Variants in ZKSCAN2 observed in about 807,000 individuals in gnomAD.
The protein encoded by ZKSCAN2 is zinc finger with KRAB and SCAN domains 2.
A neutral mutation model predicts 90.5 loss-of-function variants in ZKSCAN2; 38 were observed. The ratio of observed to expected loss-of-function variants is 0.42; its 90% CI spans 0.32 to 0.55. ZKSCAN2 has a LOEUF of 0.55. Ranked by LOEUF, ZKSCAN2 falls within the 20% of genes least tolerant of loss-of-function variation. ZKSCAN2 has a pLI of 0.11. For missense variants in ZKSCAN2, 1,167 were observed against 1,202.6 expected (o/e 0.97, Z 0.44); for synonymous variants, 429 against 421.6 (o/e 1.02, Z -0.22).
At position 25,247,284 on chromosome 16, in the gene ZKSCAN2, G is replaced by C; in HGVS notation, c.912C>G (p.Asn304Lys). Reference sequence around the variant, plus strand: ...CATGAACTGACTTTTCCTTGACGTAGTTGCTTCGTAGGATACTTCTCTTGT... The same window carrying C: ...CATGAACTGACTTTTCCTTGACGTACTTGCTTCGTAGGATACTTCTCTTGT... ...SSNKRSILRS[N>K]YVKEKSVHAI... Residue 304 changes from asparagine to lysine, a missense_variant, in exon 5 of 7, where the codon AAC becomes AAG. Coordinates refer to ENST00000328086, the MANE Select transcript of ZKSCAN2 (RefSeq NM_001012981.5). 1 of 1,614,176 alleles carries C rather than the reference G, an allele frequency of 6.2e-7. No individual in the cohort carries two copies. Among genetic ancestry groups the C allele is most frequent in the East Asian group, 2.2e-5 (1 of 44,886 alleles).
intron 5 of ZKSCAN2, among the ~76,000 whole-genome samples, chr16:25,246,028 A>G (rs908586812): frequency 6.6e-6 from 1 of 152,212 alleles, no homozygotes; most frequent in African/African-American, 2.4e-5. Flanking sequence ...TGCATGTCTC[A>G]GTCACAAAAT....
chr16:25,239,514 C>G lies in ZKSCAN2; in HGVS notation c.*302G>C. The G allele has an allele frequency of 4.0e-6, 1 of 249,302 alleles. No individual in the cohort carries two copies. The highest frequency in any genetic ancestry group is 2.2e-5 in the African/African-American group (1 of 45,234). 15.4% of individuals were successfully genotyped at this position (249,302 alleles called of 1,614,324 possible). ...GACAACTCTCACCCATATGGAAGAT[C>G]TTGAATGTTGCCGAACTTAGCAATC... is the stretch of plus-strand genomic sequence containing the variant. On this transcript the variant is annotated 3_prime_UTR_variant, in exon 7 of 7. Coordinates refer to ENST00000328086, the MANE Select transcript of ZKSCAN2 (RefSeq NM_001012981.5).
rs1264336182 is a variant in ZKSCAN2 at position 25,240,686 on chromosome 16, C to T, written c.2034G>A (p.Lys678=). 1.2e-6 allele frequency: 2 copies of T among 1,614,128 alleles called. No homozygotes were observed. Among genetic ancestry groups the T allele is most frequent in the South Asian group, 1.1e-5 (1 of 91,074 alleles). The change falls in exon 7 of 7, where the codon AAG becomes AAA. Residue 678 remains lysine (K), a synonymous_variant. Coordinates refer to ENST00000328086, the MANE Select transcript of ZKSCAN2 (RefSeq NM_001012981.5). ...IKEDPTQIVY[K]DMEQHRALIE... Reference sequence around the variant, plus strand: ...TTAATGCCCTATGCTGTTCCATGTCCTTATATACTATCTGTGTTGGATCCT... The same window carrying T: ...TTAATGCCCTATGCTGTTCCATGTCTTTATATACTATCTGTGTTGGATCCT...
chr16:25,242,270 G>A (rs1323098017), intron 6 of ZKSCAN2, among the ~76,000 whole-genome samples: 1 of 152,186 alleles, frequency 6.6e-6, no homozygotes, highest in Non-Finnish European at 1.5e-5. Flanking sequence ...ATAATTTGAT[G>A]ATAGGTTTGG....
At chr16:25,241,774 C>G (rs1163825042) in intron 6 of ZKSCAN2, among the ~76,000 whole-genome samples, 1 of 152,128 alleles carries the variant, frequency 6.6e-6, no homozygotes, top group African/African-American at 2.4e-5. Context: ...CAGTAGAAAC[C>G]ACAGATAACT....
In ZKSCAN2 at chr16:25,238,688, G is replaced by A. The variant is rs1962803484; in HGVS notation, c.*1128C>T. ...TAGAAGCCTCAGGAAAAGAGACTGG[G>A]AGATTTAACAGCCAGACCTGAGAGC... On this transcript the variant is annotated 3_prime_UTR_variant, in exon 7 of 7. Coordinates refer to ENST00000328086, the MANE Select transcript of ZKSCAN2 (RefSeq NM_001012981.5). 6.6e-6 allele frequency: 1 copy of A among 152,210 alleles called. No homozygotes were observed. The highest frequency in any genetic ancestry group is 6.5e-5 in the Admixed American group (1 of 15,280). The allele number at this position is 152,210 out of a possible 1,614,324, so 9.4% of individuals were successfully genotyped here. A position where few individuals can be genotyped will look rare whatever the true frequency, so the allele number is the denominator to read the frequency against.
Position 25,257,613 on chromosome 16 carries a change from C to T in ZKSCAN2, c.-486G>A, listed in dbSNP as rs1309176423. 1.8e-5 allele frequency: 12 copies of T among 677,602 alleles called. No individual in the cohort carries two copies. Among genetic ancestry groups the T allele is most frequent in the South Asian group, 6.6e-5 (1 of 15,182 alleles). 42.0% of individuals were successfully genotyped at this position (677,602 alleles called of 1,614,324 possible). On this transcript the variant is annotated 5_prime_UTR_variant, in exon 1 of 7. Transcript: ENST00000328086. ...TCGGGTCACCGCAGCACGTCCAGGCCGCCGCGGGTGCCGCTGGGGCCGCCG... is the reference window on the plus strand; with the variant it reads ...TCGGGTCACCGCAGCACGTCCAGGCTGCCGCGGGTGCCGCTGGGGCCGCCG...
rs774891458 is a variant in ZKSCAN2 at position 25,240,165 on chromosome 16, G to A, written c.2555C>T (p.Thr852Met). 1.9e-5 allele frequency: 31 copies of A among 1,613,956 alleles called. No individual in the cohort carries two copies. Among genetic ancestry groups the A allele is most frequent in the East Asian group, 6.7e-5 (3 of 44,878 alleles). The change falls in exon 7 of 7, where the codon ACG becomes ATG. Residue 852 changes from threonine (T) to methionine (M), a missense_variant. Physicochemically the swap from Thr to Met is moderately conservative, Grantham distance 81 (BLOSUM62 -1). Coordinates refer to ENST00000328086, the MANE Select transcript of ZKSCAN2 (RefSeq NM_001012981.5). ...QSSSLIIHQR[T>M]HTGEKPYQCG... ...CTGATAGGGCTTCTCACCGGTGTGC[G>A]TTCTCTGATGTATAATAAGACTAGA...
At position 25,246,736 on chromosome 16, in the gene ZKSCAN2, C is replaced by T. The variant is rs1445074635; in HGVS notation, c.1460G>A (p.Gly487Asp). 4.3e-6 allele frequency: 7 copies of T among 1,614,086 alleles called. No individual in the cohort carries two copies. The African/African-American group carries it at 9.3e-5, about 22-fold the overall frequency. Residue 487 changes from glycine (G) to aspartate (D), a missense_variant, in exon 5 of 7, where the codon GGT (glycine) becomes GAT (aspartate). Transcript: ENST00000328086. ...IEFIRKSEIH[G>D]APVLFQNLSG... ...GAGATTCTGAAACAAGACAGGGGCA[C>T]CATGGATTTCAGACTTGCGGATAAA...
At position 25,247,479 on chromosome 16, in the gene ZKSCAN2, C is replaced by T. The variant is rs1034043609; in HGVS notation, c.806-89G>A. 5 of 1,132,762 alleles carry T rather than the reference C, an allele frequency of 4.4e-6. No homozygotes were observed. In the African/African-American group the frequency reaches 7.8e-5, roughly 18 times the overall value. 70.2% of individuals were successfully genotyped at this position (1,132,762 alleles called of 1,614,324 possible). On this transcript the variant is annotated intron_variant, in intron 4 of 6. Coordinates refer to ENST00000328086, the MANE Select transcript of ZKSCAN2 (RefSeq NM_001012981.5). ...TGCTGTCACATGCTCTCCTGGGCCA[C>T]TTGTTCACACCCAAACCTTCCTCAG...
At position 25,243,840 on chromosome 16, in the gene ZKSCAN2, T is replaced by C. The variant is rs764686743; in HGVS notation, c.1926A>G (p.Glu642=). Residue 642 remains glutamate, a synonymous_variant, in exon 6 of 7, where the codon GAA becomes GAG. Coordinates refer to ENST00000328086, the MANE Select transcript of ZKSCAN2 (RefSeq NM_001012981.5). ...DSCSERMSEE[E]IVQEPEFQGP... ...CCTGGAACTCTGGCTCTTGCACAAT[T>C]TCCTCCTCGCTCATTCTCTCACTGC... 1.2e-6 allele frequency: 2 copies of C among 1,614,092 alleles called. No homozygotes were observed. The highest frequency in any genetic ancestry group is 1.7e-6 in the Non-Finnish European group (2 of 1,180,024).
chr16:25,252,290 T>A (rs1011157690), intron 3 of ZKSCAN2, among the ~76,000 whole-genome samples: 4 of 152,180 alleles, frequency 2.6e-5, no homozygotes, highest in Admixed American at 1.3e-4. Context: ...AATATACTTA[T>A]ACACTTGTGA....
In ZKSCAN2 at chr16:25,246,451, G is replaced by A. The variant is rs1962934640; in HGVS notation, c.1489+256C>T. The A allele has an allele frequency of 2.3e-5, 12 of 529,708 alleles. No homozygotes were observed. In the South Asian group the frequency reaches 2.7e-4, roughly 12 times the overall value. 32.8% of individuals were successfully genotyped at this position (529,708 alleles called of 1,614,324 possible). ...AACTCCATTTGTCTTCCTTCCACAA[G>A]GACCCAAACACTCAAAATCCATGCT... On this transcript the variant is annotated intron_variant, in intron 5 of 6. Transcript: ENST00000328086.
chr16:25,252,433 T>G (rs1963035082), intron 3 of ZKSCAN2, among the ~76,000 whole-genome samples: 1 of 151,846 alleles, frequency 6.6e-6, no homozygotes, highest in African/African-American at 2.4e-5. Flanking sequence ...AAAGTAAGTA[T>G]AAGTAAAGGA....
rs1385395959 is a variant in ZKSCAN2, at chr16:25,256,884, C to G, written c.244G>C (p.Glu82Gln). 6.2e-7 allele frequency: 1 copy of G among 1,614,068 alleles called. No homozygotes were observed. Among genetic ancestry groups the G allele is most frequent in the Non-Finnish European group, 8.5e-7 (1 of 1,180,036 alleles). Residue 82 changes from glutamate (E) to glutamine (Q), a missense_variant, in exon 1 of 7, where the codon GAG becomes CAG. Physicochemically the swap from Glu to Gln is conservative, Grantham distance 29. Coordinates refer to ENST00000328086, the MANE Select transcript of ZKSCAN2 (RefSeq NM_001012981.5). ...RWLKPEMRSK[E>Q]QILELLVIEQ... ...ATCACCAGCAGCTCAAGTATTTGCT[C>G]CTTGGAACGCATTTCTGGCTTCAGC...
chr16:25,245,514 C>T lies in ZKSCAN2; in HGVS notation c.1489+1193G>A, dbSNP rs150991751. ...GGTGCGGTGGCTCATGCCTGTAATC[C>T]CAGCACTTTGGGAGGCCGAGGTGGG... is the stretch of plus-strand genomic sequence containing the variant. On this transcript the variant is annotated intron_variant, in intron 5 of 6. Coordinates refer to ENST00000328086, the MANE Select transcript of ZKSCAN2 (RefSeq NM_001012981.5). Among the ~76,000 whole-genome samples, 231 of 152,120 alleles carry T rather than the reference C, an allele frequency of 1.5e-3. 1 individual carries two copies. The highest frequency in any genetic ancestry group is 5.5e-3 in the African/African-American group (228 of 41,490).
In ZKSCAN2 at chr16:25,257,625, C is replaced by A. The variant is rs921958784; in HGVS notation, c.-498G>T. ...AGCACGTCCAGGCCGCCGCGGGTGCCGCTGGGGCCGCCGGATTCCGAGAGC... is the reference window on the plus strand; with the variant it reads ...AGCACGTCCAGGCCGCCGCGGGTGCAGCTGGGGCCGCCGGATTCCGAGAGC... On this transcript the variant is annotated 5_prime_UTR_variant, in exon 1 of 7. Transcript: ENST00000328086. The A allele has an allele frequency of 1.9e-6, 1 of 513,076 alleles. No individual in the cohort carries two copies. The highest frequency in any genetic ancestry group is 2.5e-6 in the Non-Finnish European group (1 of 398,558). The allele number at this position is 513,076 out of a possible 1,614,324, so 31.8% of individuals were successfully genotyped here.
At position 25,240,635 on chromosome 16, in the gene ZKSCAN2, G is replaced by T. The variant is rs1367327613; in HGVS notation, c.2085C>A (p.Ser695=). The change falls in exon 7 of 7, where the codon TCC becomes TCA. Residue 695 remains serine (S), a synonymous_variant. Transcript: ENST00000328086. ...ALIEKSKRVV[S]QSTDPSKYRK... Reference sequence around the variant, plus strand: ...GATATTTGCTGGGGTCGGTACTCTGGGAAACAACTCTTTTAGACTTTTCTA... The same window carrying T: ...GATATTTGCTGGGGTCGGTACTCTGTGAAACAACTCTTTTAGACTTTTCTA... 1 of 1,613,974 alleles carries T rather than the reference G, an allele frequency of 6.2e-7. No homozygotes were observed. Among genetic ancestry groups the T allele is most frequent in the Non-Finnish European group, 8.5e-7 (1 of 1,180,024 alleles).
Position 25,256,836 on chromosome 16 carries a change from G to C in ZKSCAN2, c.292C>G (p.Pro98Ala). 1 of 1,614,172 alleles carries C rather than the reference G, an allele frequency of 6.2e-7. No homozygotes were observed. Among genetic ancestry groups the C allele is most frequent in the South Asian group, 1.1e-5 (1 of 91,082 alleles). Residue 98 changes from proline (P) to alanine (A), a missense_variant, in exon 1 of 7, where the codon CCC (proline) becomes GCC (alanine). By Grantham distance (27) the Pro-to-Ala change is conservative (BLOSUM62 -1). Coordinates refer to ENST00000328086, the MANE Select transcript of ZKSCAN2 (RefSeq NM_001012981.5). ...LVIEQFLTIL[P>A]EKIQAWAQKQ... ...TGTGCCCAAGCCTGAATCTTCTCGG[G>C]TAAAATGGTGAGAAACTGCTCAATC...
Sources: gnomAD v4.1 joint callset for allele counts (sites outside exome capture counted in the v4.1 genomes callset) on GRCh38, gnomAD v4.1.1 for gene constraint, MANE v1.5 for transcripts, NCBI Gene and HGNC (gene_info 2026-07-23, HGNC 2026-07-21) for gene names.